Variants in SLC9A2 observed in about 807,000 individuals in gnomAD.
The protein encoded by SLC9A2 is solute carrier family 9 member A2.
Under a neutral mutation model 71.7 loss-of-function variants are expected in SLC9A2, and 42 were observed. The ratio of observed to expected loss-of-function variants is 0.59; its 90% CI spans 0.46 to 0.76. SLC9A2 has a LOEUF of 0.76. Ranked by LOEUF, SLC9A2 falls within the 30% of genes least tolerant of loss-of-function variation. The pLI is 0.00. For missense variants in SLC9A2, 829 were observed against 1,017.4 expected (o/e 0.81, Z 2.52); for synonymous variants, 396 against 392.5 (o/e 1.01, Z -0.10).
intron 3 of SLC9A2, among the ~76,000 whole-genome samples, chr2:102,678,314 T>A: frequency 7.5e-6 from 1 of 132,600 alleles, no homozygotes; most frequent in Non-Finnish European, 1.6e-5. Flanking sequence ...TCACATTAAC[T>A]AGGTATGGAA....
At chr2:102,631,927 T>A (rs145952269) in intron 1 of SLC9A2, among the ~76,000 whole-genome samples, 1,882 of 147,766 alleles carry the variant, frequency 0.013, 7 homozygotes, top group Non-Finnish European at 0.019. Context: ...CATCTGCCAT[T>A]AACTTGGTCT....
intron 8 of SLC9A2, 68 bp downstream of exon 8, chr2:102,701,299 A>T: frequency 8.4e-7 from 1 of 1,184,154 alleles, no homozygotes; most frequent in Admixed American, 2.6e-5. Flanking sequence ...TGAAACTGGT[A>T]ATAATAATTT....
intron 3 of SLC9A2, among the ~76,000 whole-genome samples, chr2:102,670,941 A>G (rs1677239195): frequency 6.6e-6 from 1 of 150,972 alleles, no homozygotes; most frequent in Non-Finnish European, 1.5e-5. Flanking sequence ...AACATCCAAG[A>G]GTGTTAAACC....
intron 8 of SLC9A2, among the ~76,000 whole-genome samples, chr2:102,701,915 A>C (rs1677880969): frequency 6.6e-6 from 1 of 152,206 alleles, no homozygotes; most frequent in Non-Finnish European, 1.5e-5. Flanking sequence ...TTTATAAATC[A>C]ATATTAGCAA....
At chr2:102,637,106 G>A (rs1676482002) in intron 1 of SLC9A2, among the ~76,000 whole-genome samples, 1 of 152,204 alleles carries the variant, frequency 6.6e-6, no homozygotes, top group South Asian at 2.1e-4. Context: ...CGTTGAATCT[G>A]TTTCATAGCT....
rs769804681 is a variant in SLC9A2, at chr2:102,704,577, G to C, written c.1879G>C (p.Asp627His). The C allele has an allele frequency of 3.7e-6, 6 of 1,613,136 alleles. No homozygotes were observed. Among genetic ancestry groups the C allele is most frequent in the Non-Finnish European group, 5.1e-6 (6 of 1,179,406 alleles). The change falls in exon 10 of 12, where the codon GAC (aspartate) becomes CAC (histidine). Residue 627 changes from aspartate to histidine, a missense_variant. Coordinates refer to ENST00000233969, the MANE Select transcript of SLC9A2 (RefSeq NM_003048.6). ...LSYNRHSLTA[D>H]TSERQAKEIL... ...CTACAACAGACACAGTCTGACAGCC[G>C]ACACAAGTGAGAGACAAGCCAAGGA...
chr2:102,694,726 C>T (rs1319262137), intron 6 of SLC9A2, among the ~76,000 whole-genome samples: 1 of 152,114 alleles, frequency 6.6e-6, no homozygotes. Context: ...AGTAGAGAGA[C>T]AAGAAGTCCC....
At chr2:102,651,684 C>G (rs1163982533) in intron 1 of SLC9A2, among the ~76,000 whole-genome samples, 1 of 152,180 alleles carries the variant, frequency 6.6e-6, no homozygotes, top group East Asian at 1.9e-4. Context: ...TATTGGCTGA[C>G]TGACTTATTT....
intron 1 of SLC9A2, 65 bp downstream of exon 1, chr2:102,620,202 C>A (rs1408447222): frequency 4.8e-6 from 7 of 1,449,080 alleles, no homozygotes; most frequent in African/African-American, 4.2e-5. Flanking sequence ...GGAGGGTGAC[C>A]GGGTCAGCCA....
intron 11 of SLC9A2, among the ~76,000 whole-genome samples, chr2:102,706,505 C>T (rs937602494): frequency 1.3e-5 from 2 of 152,078 alleles, no homozygotes; most frequent in Non-Finnish European, 2.9e-5. Context: ...AGCACACCAA[C>T]ATGGCACATG....
chr2:102,632,103 CAT>C (rs1299783665), intron 1 of SLC9A2, among the ~76,000 whole-genome samples: 3 of 106,712 alleles, frequency 2.8e-5, no homozygotes, highest in Admixed American at 1.0e-4. Context: ...CATATATATA[CAT>C]ATATATGTAT....
At chr2:102,683,577 A>C in intron 4 of SLC9A2, 99 bp downstream of exon 4, 1 of 885,150 alleles carries the variant, frequency 1.1e-6, no homozygotes. Context: ...GGATTCTTTT[A>C]TGTCTGCTTA....
In SLC9A2 at chr2:102,672,588, G is replaced by A. The variant is rs562545278; in HGVS notation, c.1004+7238G>A. ...AAAATAAGGAAGGAGAGACTGAAGG[G>A]AAGTTGGAGGTTCTTCTGAAGTGGC... On this transcript the variant is annotated intron_variant, in intron 3 of 11. Transcript: ENST00000233969. Among the ~76,000 whole-genome samples, 4 of 152,282 alleles carry A rather than the reference G, an allele frequency of 2.6e-5. No homozygotes were observed. The South Asian group carries it at 6.2e-4, about 24-fold the overall frequency.
At chr2:102,647,554 A>G (rs1000761313) in intron 1 of SLC9A2, among the ~76,000 whole-genome samples, 2 of 152,220 alleles carry the variant, frequency 1.3e-5, no homozygotes, top group Admixed American at 6.5e-5. Flanking sequence ...CAGTGAATCC[A>G]GAAACTGGTT....
intron 1 of SLC9A2, among the ~76,000 whole-genome samples, chr2:102,644,906 C>G (rs1249956590): frequency 6.6e-6 from 1 of 152,240 alleles, no homozygotes; most frequent in Non-Finnish European, 1.5e-5. Context: ...CCTGCCAGCG[C>G]TGAAGAGAGC....
At position 102,658,032 on chromosome 2, in the gene SLC9A2, G is replaced by T; in HGVS notation, c.753+5G>T. On this transcript the variant is annotated splice_donor_5th_base_variant and intron_variant, in intron 2 of 11. Coordinates refer to ENST00000233969, the MANE Select transcript of SLC9A2 (RefSeq NM_003048.6). ...CTGAATGATGCAGTAACAGTGGTGA[G>T]TCACATTCACACTGCATGACTCCAA... The T allele has an allele frequency of 6.3e-7, 1 of 1,590,212 alleles. No homozygotes were observed.
At chr2:102,679,069 A>G (rs1677398654) in intron 3 of SLC9A2, among the ~76,000 whole-genome samples, 1 of 152,130 alleles carries the variant, frequency 6.6e-6, no homozygotes, top group African/African-American at 2.4e-5. Context: ...TACATGGCAG[A>G]CCAGAATGGG....
intron 1 of SLC9A2, among the ~76,000 whole-genome samples, chr2:102,639,519 T>TA (rs1676532685): frequency 1.3e-5 from 2 of 152,242 alleles, no homozygotes; most frequent in South Asian, 4.1e-4. Flanking sequence ...GAGATCCATT[T>TA]AGCAGCATTA....
At chr2:102,679,757 G>A (rs1056355072) in intron 3 of SLC9A2, among the ~76,000 whole-genome samples, 1 of 152,150 alleles carries the variant, frequency 6.6e-6, no homozygotes, top group Admixed American at 6.5e-5. Flanking sequence ...CTTTTTGCCT[G>A]TATGGTTTAC....
Sources: allele counts gnomAD v4.1 joint callset (sites outside exome capture counted in the v4.1 genomes callset), GRCh38; gene constraint gnomAD v4.1.1; transcripts MANE v1.5; gene names NCBI Gene and HGNC (gene_info 2026-07-23, HGNC 2026-07-21).